CFAP161: variants seen among roughly 807,000 people sequenced by gnomAD.
The protein encoded by CFAP161 is cilia and flagella associated protein 161.
CFAP161 carries 25 observed loss-of-function variants against 29.0 expected under a neutral mutation model. The observed-to-expected ratio is 0.86, with a 90% CI of 0.63 to 1.20. The LOEUF is 1.20. CFAP161 is among the 50% of genes most tolerant of loss of function. The probability of loss-of-function intolerance (pLI) is 0.00; values close to 1 mark genes in which losing one functional copy is unlikely to be tolerated. For synonymous variants in CFAP161, 116 were observed against 137.4 expected (o/e 0.84, Z 1.09); for missense variants, 367 against 371.9 (o/e 0.99, Z 0.11).
Position 81,136,646 on chromosome 15 carries a change from A to G in CFAP161, c.290A>G (p.Asp97Gly). The stretch of plus-strand genomic sequence containing the variant: ...GACCTGAGCCTGTGTATGACTCCAG[A>G]TGAAATTCAGTCCCATCTGAAAGAC... ...RGDLSLCMTP[D>G]EIQSHLKDEL... Residue 97 changes from aspartate (D) to glycine (G), a missense_variant, in exon 3 of 7, where the codon GAT (aspartate) becomes GGT (glycine). Asp to Gly is a moderately conservative substitution (Grantham distance 94, BLOSUM62 -1). Coordinates refer to ENST00000286732, the MANE Select transcript of CFAP161 (RefSeq NM_173528.4). 6.2e-7 allele frequency: 1 copy of G among 1,614,180 alleles called. No homozygotes were observed. Among genetic ancestry groups the G allele is most frequent in the Non-Finnish European group, 8.5e-7 (1 of 1,180,028 alleles).
intron 1 of CFAP161, among the ~76,000 whole-genome samples, chr15:81,126,954 C>A (rs947884523): frequency 6.6e-5 from 10 of 152,162 alleles, no homozygotes; most frequent in African/African-American, 2.4e-4. Context: ...ACATGTAAGA[C>A]TCTCCATTTT....
At chr15:81,134,839 C>T (rs572667718) in intron 1 of CFAP161, among the ~76,000 whole-genome samples, 1 of 148,364 alleles carries the variant, frequency 6.7e-6, no homozygotes, top group East Asian at 2.0e-4. Flanking sequence ...CCTGAGTATT[C>T]CTTTTATTGA....
At chr15:81,117,906 A>T in intron 1 of CFAP161, 1 of 419,166 alleles carries the variant, frequency 2.4e-6, no homozygotes, top group Non-Finnish European at 4.5e-6. Context: ...TATCCACACC[A>T]TCCACCTGGG....
intron 4 of CFAP161, among the ~76,000 whole-genome samples, chr15:81,141,438 A>C (rs531522931): frequency 2.0e-5 from 3 of 152,282 alleles, no homozygotes; most frequent in Non-Finnish European, 4.4e-5. Context: ...TTAATTCTAT[A>C]GTTTTTTCAG....
At chr15:81,143,626 C>T (rs1246495060) in intron 4 of CFAP161, 36 bp from the exon 5 acceptor site, 13 of 1,591,116 alleles carry the variant, frequency 8.2e-6, no homozygotes, top group Non-Finnish European at 1.0e-5. Context: ...TTTCACAGAG[C>T]TCTGACTTAG....
rs34438904 is a variant in CFAP161 at position 81,108,340 on chromosome 15, ATT to A, written c.-141-19239_-141-19238del. 3.0e-4 allele frequency among the ~76,000 whole-genome samples: 44 copies of A among 146,816 alleles called. No homozygotes were observed. In the East Asian group the frequency reaches 3.9e-3, roughly 13 times the overall value. On this transcript the variant is annotated intron_variant, in intron 1 of 4. Coordinates refer to the CFAP161 transcript ENST00000560091. The stretch of plus-strand genomic sequence containing the variant: ...TTTTTCTGAAGCCATAAGGGCCAGC[ATT>A]TTTTTTTTTTCCCAACCAGCAACAG...
upstream of CFAP161, among the ~76,000 whole-genome samples, chr15:81,132,520 C>T (rs1030819299): frequency 2.0e-5 from 3 of 152,172 alleles, no homozygotes; most frequent in East Asian, 1.9e-4. Context: ...CCATAGAGCA[C>T]CAATAAAGAT....
chr15:81,136,795 C>T, intron 3 of CFAP161, 47 bp downstream of exon 3: 1 of 1,505,306 alleles, frequency 6.6e-7, no homozygotes, highest in Non-Finnish European at 9.2e-7. Context: ...AAATATGTTT[C>T]ACTTGTAGCT....
chr15:81,136,528 G>T lies in CFAP161; in HGVS notation c.172G>T (p.Val58Leu). ...ATCAAAATTGTAGATGCAACTTTCC[G>T]TAACTGAAGATGGCTATATTCATTA... ...QNLLRPMQLS[V>L]TEDGYIHYGD... is the part of the protein sequence containing the mutation. Residue 58 changes from valine (V) to leucine (L), a missense_variant, in exon 3 of 7, where the codon GTA (valine) becomes TTA (leucine). Physicochemically the swap from Val to Leu is conservative, Grantham distance 32 (BLOSUM62 1). Transcript: ENST00000286732. 6.2e-7 allele frequency: 1 copy of T among 1,614,060 alleles called. No individual in the cohort carries two copies. The highest frequency in any genetic ancestry group is 8.5e-7 in the Non-Finnish European group (1 of 1,179,916).
intron 1 of CFAP161, among the ~76,000 whole-genome samples, chr15:81,101,526 CAAAAAAAAAAAAA>C (rs527465471): frequency 2.2e-5 from 1 of 46,106 alleles, no homozygotes; most frequent in Non-Finnish European, 3.7e-5. Flanking sequence ...GACTCTGTCT[CAAAAAAAAAAAAA>C]AAAAAAAAAA....
intron 1 of CFAP161, among the ~76,000 whole-genome samples, chr15:81,121,805 C>A (rs1894577214): frequency 1.3e-5 from 2 of 152,146 alleles, no homozygotes; most frequent in Non-Finnish European, 2.9e-5. Context: ...CAGACTGTTT[C>A]ATCACCCAGG....
At chr15:81,107,282 A>G (rs1894383677) in intron 1 of CFAP161, among the ~76,000 whole-genome samples, 1 of 152,048 alleles carries the variant, frequency 6.6e-6, no homozygotes, top group African/African-American at 2.4e-5. Flanking sequence ...ACATATCCAC[A>G]CTCATCATAT....
intron 1 of CFAP161, among the ~76,000 whole-genome samples, chr15:81,117,384 A>G (rs2141866507): frequency 6.6e-6 from 1 of 152,236 alleles, no homozygotes; most frequent in South Asian, 2.1e-4. Context: ...CAAGAGTCTC[A>G]CACAAAAAGC....
chr15:81,138,145 C>A lies in CFAP161; in HGVS notation c.477+10C>A. 6.3e-7 allele frequency: 1 copy of A among 1,591,238 alleles called. No individual in the cohort carries two copies. Among genetic ancestry groups the A allele is most frequent in the Non-Finnish European group, 8.6e-7 (1 of 1,159,200 alleles). Reference sequence around the variant, plus strand: ...ATTTGACAACAAAATGGTGAGTTATCACTTTGCATATCTACTTTGGATCAG... The same window carrying A: ...ATTTGACAACAAAATGGTGAGTTATAACTTTGCATATCTACTTTGGATCAG... On this transcript the variant is annotated intron_variant, in intron 4 of 6. Coordinates refer to ENST00000286732, the MANE Select transcript of CFAP161 (RefSeq NM_173528.4).
chr15:81,105,147 CCCTCCCTCCCTCCCTTCCTT>C (rs1367751783), intron 1 of CFAP161, among the ~76,000 whole-genome samples: 2 of 25,536 alleles, frequency 7.8e-5, no homozygotes, highest in Admixed American at 3.0e-4. Context: ...TCCCCTCCCT[CCCTCCCTCCCTCCCTTCCTT>C]CCTCCCTCCC....
At chr15:81,117,543 CT>C (rs35047343) in intron 1 of CFAP161, 7,386 of 135,412 alleles carry the variant, frequency 0.055, 477 homozygotes, top group African/African-American at 0.16. Context: ...ATCACAGCTA[CT>C]TTTTTTTTTT....
intron 4 of CFAP161, among the ~76,000 whole-genome samples, chr15:81,140,990 C>T (rs1290187001): frequency 6.6e-6 from 1 of 152,194 alleles, no homozygotes; most frequent in Non-Finnish European, 1.5e-5. Context: ...CTAGTTGCCT[C>T]TCATTACACT....
chr15:81,102,931 A>T (rs1367047303), intron 1 of CFAP161, among the ~76,000 whole-genome samples: 1 of 152,226 alleles, frequency 6.6e-6, no homozygotes, highest in Non-Finnish European at 1.5e-5. Flanking sequence ...GACATAGAAC[A>T]TCCAAAAGAT....
At position 81,118,709 on chromosome 15, in the gene CFAP161, C is replaced by T. The variant is rs188680587; in HGVS notation, c.-141-8881C>T. On this transcript the variant is annotated intron_variant, in intron 1 of 4. Transcript: ENST00000560091. ...GGCTGTACTCTAGCGAGGCCAGAGG[C>T]TGCACGACCCGCCAGCGGAGCCCAG... 5.2e-4 allele frequency among the ~76,000 whole-genome samples: 80 copies of T among 152,386 alleles called. 1 individual carries two copies. In the East Asian group the frequency reaches 0.015, roughly 29 times the overall value.
Sources: allele counts gnomAD v4.1 joint callset (sites outside exome capture counted in the v4.1 genomes callset), GRCh38; gene constraint gnomAD v4.1.1; transcripts MANE v1.5; gene names NCBI Gene and HGNC (gene_info 2026-07-23, HGNC 2026-07-21).